RNF128: variants seen among roughly 807,000 people sequenced by gnomAD.
RNF128 encodes E3 ubiquitin-protein ligase RNF128.
A neutral mutation model predicts 26.2 loss-of-function variants in RNF128; 13 were observed. That is an observed-to-expected ratio of 0.50 (90% CI 0.32 to 0.79). The LOEUF is 0.79. Among genes scored for constraint, RNF128 ranks in the 30% least tolerant of loss-of-function variants. The pLI, the probability that RNF128 is intolerant of heterozygous loss-of-function variation, is 0.03. For synonymous variants in RNF128, 149 were observed against 142.5 expected, an observed-to-expected ratio of 1.05 and a Z score of -0.32; for missense variants, 315 against 349.7, an observed-to-expected ratio of 0.90 and a Z score of 0.79.
At chrX:106,715,295 G>A (rs1929195017) in intron 1 of RNF128, among the ~76,000 whole-genome samples, 1 of 112,089 alleles carries the variant, frequency 8.9e-6, no homozygotes, top group African/African-American at 3.2e-5. Flanking sequence ...TTTCCCTAAT[G>A]GCTAATGACA....
At chrX:106,710,469 C>T (rs757870059) in intron 1 of RNF128, among the ~76,000 whole-genome samples, 2 of 111,697 alleles carry the variant, frequency 1.8e-5, no homozygotes, top group Non-Finnish European at 3.8e-5. Flanking sequence ...ATACGAAAAG[C>T]TGATCTGGCT....
intron 6 of RNF128, among the ~76,000 whole-genome samples, chrX:106,792,909 A>C (rs1309089013): frequency 8.9e-6 from 1 of 112,053 alleles, no homozygotes; most frequent in Non-Finnish European, 1.9e-5. Flanking sequence ...AACCAGATTT[A>C]ATTTTGTCTG....
chrX:106,699,448 A>T (rs1473710571), intron 1 of RNF128, among the ~76,000 whole-genome samples: 1 of 111,316 alleles, frequency 9.0e-6, no homozygotes, highest in Non-Finnish European at 1.9e-5. Context: ...ACTGCCTCCA[A>T]AATATAACCA....
chrX:106,756,085 G>C (rs760464719), intron 1 of RNF128, among the ~76,000 whole-genome samples: 2 of 110,862 alleles, frequency 1.8e-5, no homozygotes, highest in East Asian at 5.6e-4. Flanking sequence ...AGAAATAAAA[G>C]AGGATACAAA....
At chrX:106,726,426 G>A (rs776216812), upstream of RNF128, among the ~76,000 whole-genome samples, 10 of 111,677 alleles carry the variant, frequency 9.0e-5, no homozygotes, top group Non-Finnish European at 1.9e-4. Flanking sequence ...CAAATGTTAG[G>A]AGGGAAAAAT....
chrX:106,737,079 C>T (rs1196188256), intron 1 of RNF128, among the ~76,000 whole-genome samples: 1 of 111,328 alleles, frequency 9.0e-6, no homozygotes, highest in African/African-American at 3.3e-5. Flanking sequence ...TGTACTTCAC[C>T]TTAAAGACTA....
intron 3 of RNF128, 60 bp downstream of exon 3, chrX:106,785,196 A>C (rs893707638): frequency 1.8e-4 from 160 of 872,969 alleles, no homozygotes; most frequent in Non-Finnish European, 1.3e-4. Flanking sequence ...GCCATTGTTC[A>C]GGCTAAATGT....
chrX:106,778,021 CTAATT>C (rs1020137508), intron 2 of RNF128, among the ~76,000 whole-genome samples: 7 of 111,648 alleles, frequency 6.3e-5, no homozygotes, highest in African/African-American at 2.3e-4. Context: ...TTTCTTTTCT[CTAATT>C]TACTTTATTG....
At chrX:106,760,653 G>A (rs1930104768) in intron 1 of RNF128, among the ~76,000 whole-genome samples, 1 of 111,542 alleles carries the variant, frequency 9.0e-6, no homozygotes, top group Non-Finnish European at 1.9e-5. Flanking sequence ...TCTATCCAAA[G>A]GAATGGAAGT....
chrX:106,748,460 T>G (rs1314253685), intron 1 of RNF128, among the ~76,000 whole-genome samples: 1 of 111,917 alleles, frequency 8.9e-6, no homozygotes, highest in African/African-American at 3.2e-5. Flanking sequence ...AAGATCAATT[T>G]TTATGAGCAC....
At chrX:106,765,632 G>A (rs1930207099) in intron 1 of RNF128, among the ~76,000 whole-genome samples, 1 of 111,674 alleles carries the variant, frequency 9.0e-6, no homozygotes, top group African/African-American at 3.2e-5. Flanking sequence ...ACAACAGAGG[G>A]TGTCTACATT....
At chrX:106,735,694 T>A (rs1850297585) in intron 1 of RNF128, among the ~76,000 whole-genome samples, 1 of 111,819 alleles carries the variant, frequency 8.9e-6, no homozygotes, top group African/African-American at 3.2e-5. Flanking sequence ...TAGAAATGAT[T>A]TACAAACTAT....
At chrX:106,716,277 T>C (rs1478427154) in intron 1 of RNF128, among the ~76,000 whole-genome samples, 2 of 111,867 alleles carry the variant, frequency 1.8e-5, no homozygotes, top group Non-Finnish European at 3.8e-5. Flanking sequence ...ACTCTTTTGT[T>C]TAAATACCAC....
rs753574614 is a variant in RNF128 at position 106,790,216 on chromosome X, A to G, written c.918A>G (p.Pro306=). ...TTTTCCATAAGACATGTGTTGACCC[A>G]TGGCTGTTAGAACACAGGACTTGCC... ...NHIFHKTCVD[P]WLLEHRTCPM... The change falls in exon 5 of 7, where the codon CCA becomes CCG. Residue 306 remains proline, a synonymous_variant. Coordinates refer to ENST00000255499, the MANE Select transcript of RNF128 (RefSeq NM_194463.2). 8 of 1,200,944 alleles carry G rather than the reference A, an allele frequency of 6.7e-6. No homozygotes were observed. The South Asian group carries it at 1.1e-4, about 16-fold the overall frequency.
At chrX:106,782,842 C>T (rs1299220661) in intron 2 of RNF128, among the ~76,000 whole-genome samples, 1 of 111,687 alleles carries the variant, frequency 9.0e-6, no homozygotes, top group East Asian at 2.8e-4. Flanking sequence ...TCAAGCAAGA[C>T]ATTCTTCCTC....
chrX:106,769,629 T>C (rs1159466066), intron 1 of RNF128, among the ~76,000 whole-genome samples: 3 of 103,192 alleles, frequency 2.9e-5, no homozygotes, highest in African/African-American at 1.0e-4. Flanking sequence ...TGTCTCTGCA[T>C]GTGAGATGGG....
At chrX:106,724,630 A>G (rs1929364692), upstream of RNF128, among the ~76,000 whole-genome samples, 1 of 111,241 alleles carries the variant, frequency 9.0e-6, no homozygotes, top group African/African-American at 3.3e-5. Context: ...TCATATTTCA[A>G]TGCCTTTCCT....
chrX:106,760,955 A>G (rs1333593559), intron 1 of RNF128, among the ~76,000 whole-genome samples: 3 of 112,162 alleles, frequency 2.7e-5, no homozygotes, highest in Non-Finnish European at 5.6e-5. Flanking sequence ...TTTGCATAGC[A>G]AAAGAAACTA....
At chrX:106,711,742 G>A (rs1444718039) in intron 1 of RNF128, among the ~76,000 whole-genome samples, 1 of 111,117 alleles carries the variant, frequency 9.0e-6, no homozygotes, top group Non-Finnish European at 1.9e-5. Context: ...TACATGTGCA[G>A]GACATGCACG....
Sources: allele counts gnomAD v4.1 joint callset (sites outside exome capture counted in the v4.1 genomes callset), GRCh38; gene constraint gnomAD v4.1.1; transcripts MANE v1.5; gene names NCBI Gene and HGNC (gene_info 2026-07-23, HGNC 2026-07-21).